Variants in SLC35D4 observed in about 807,000 individuals in gnomAD.
The protein encoded by SLC35D4 is solute carrier family 35 member D4, also known as UDP-N-acetylglucosamine transporter SLC35D4.
the SLC35D4 span, among the ~76,000 whole-genome samples, chr18:23,412,794 A>T: frequency 2.9e-4 from 44 of 152,316 alleles, no homozygotes; most frequent in South Asian, 2.7e-3. Context: ...CCGTTTATGT[A>T]TTGTCTGTTG....
chr18:23,250,138 A>G, the SLC35D4 span, among the ~76,000 whole-genome samples: 1 of 152,240 alleles, frequency 6.6e-6, no homozygotes, highest in Non-Finnish European at 1.5e-5. Context: ...CCCCTCCCAC[A>G]GGCACTTCAA....
the SLC35D4 span, among the ~76,000 whole-genome samples, chr18:23,341,301 C>CT: frequency 2.0e-4 from 30 of 152,160 alleles, no homozygotes; most frequent in African/African-American, 7.2e-4. Flanking sequence ...TTCAAAGGCA[C>CT]TTTTTCTCCA....
the SLC35D4 span, among the ~76,000 whole-genome samples, chr18:23,253,428 A>G: frequency 3.9e-5 from 6 of 152,372 alleles, no homozygotes; most frequent in South Asian, 1.2e-3. Flanking sequence ...GGTTGCAGTG[A>G]GCCAAGATCG....
the SLC35D4 span, among the ~76,000 whole-genome samples, chr18:23,264,987 T>C: frequency 6.6e-6 from 1 of 152,124 alleles, no homozygotes; most frequent in African/African-American, 2.4e-5. Flanking sequence ...TCACTCACTA[T>C]CGTGAGGACA....
chr18:23,310,355 T>C, the SLC35D4 span: 1 of 855,590 alleles, frequency 1.2e-6, no homozygotes, highest in Non-Finnish European at 1.4e-6. Flanking sequence ...TACCTCCACA[T>C]CTCTCAAGGC....
chr18:23,341,230 A>G, the SLC35D4 span, among the ~76,000 whole-genome samples: 2 of 152,222 alleles, frequency 1.3e-5, no homozygotes, highest in East Asian at 1.9e-4. Context: ...GGCTTCTTAA[A>G]TTTTTTCTCA....
At chr18:23,244,275 G>C in the SLC35D4 span, among the ~76,000 whole-genome samples, 1 of 152,218 alleles carries the variant, frequency 6.6e-6, no homozygotes, top group East Asian at 1.9e-4. Flanking sequence ...AACATGCTCT[G>C]TGCCACCCAG....
At chr18:23,346,218 C>G in the SLC35D4 span, among the ~76,000 whole-genome samples, 115 of 152,340 alleles carry the variant, frequency 7.5e-4, no homozygotes, top group South Asian at 4.1e-3. Flanking sequence ...ACTGCATCCT[C>G]AAACTCCTGA....
the SLC35D4 span, among the ~76,000 whole-genome samples, chr18:23,303,905 GAAA>G: frequency 1.8e-5 from 2 of 109,368 alleles, no homozygotes; most frequent in African/African-American, 3.4e-5. Flanking sequence ...CTATCTCCAG[GAAA>G]AAAAAAAAAA....
the SLC35D4 span, among the ~76,000 whole-genome samples, chr18:23,316,326 A>G: frequency 6.6e-6 from 1 of 152,250 alleles, no homozygotes; most frequent in Admixed American, 6.5e-5. Context: ...CTTCCAGGTT[A>G]AAGAGTAAAT....
chr18:23,409,866 AG>A, the SLC35D4 span, among the ~76,000 whole-genome samples: 2 of 1,234 alleles, frequency 1.6e-3, no homozygotes. Flanking sequence ...AAAAAAAAAG[AG>A]GATGGTTGTA....
At chr18:23,406,697 C>T in the SLC35D4 span, among the ~76,000 whole-genome samples, 1 of 152,246 alleles carries the variant, frequency 6.6e-6, no homozygotes, top group African/African-American at 2.4e-5. Context: ...CACAGCCAGG[C>T]TGCTACAGTA....
At chr18:23,248,510 G>GTTTTTTTTTTTT in the SLC35D4 span, among the ~76,000 whole-genome samples, 1 of 92,358 alleles carries the variant, frequency 1.1e-5, no homozygotes. Flanking sequence ...AAGACCCTAT[G>GTTTTTTTTTTTT]TCTTTTTTTT....
At chr18:23,319,236 T>C in the SLC35D4 span, among the ~76,000 whole-genome samples, 1 of 149,646 alleles carries the variant, frequency 6.7e-6, no homozygotes, top group African/African-American at 2.5e-5. Flanking sequence ...CCTTACTTTA[T>C]TTCAGTGCTT....
At chr18:23,349,105 C>T in the SLC35D4 span, among the ~76,000 whole-genome samples, 1 of 152,124 alleles carries the variant, frequency 6.6e-6, no homozygotes, top group Non-Finnish European at 1.5e-5. Context: ...AGATTTTCTC[C>T]TTGTCTTTCA....
At chr18:23,253,819 C>T in the SLC35D4 span, 23 of 1,614,224 alleles carry the variant, frequency 1.4e-5, no homozygotes, top group African/African-American at 2.0e-4. Context: ...TTGAAAAGCT[C>T]GCCCTCAAGG....
At chr18:23,356,104 A>G in the SLC35D4 span, among the ~76,000 whole-genome samples, 2 of 152,180 alleles carry the variant, frequency 1.3e-5, no homozygotes, top group African/African-American at 2.4e-5. This position sits in a 1 kb window ranked among gnomAD's most constrained non-coding sequence, Gnocchi z 4.1. Flanking sequence ...TTGTCTAGAC[A>G]TCTCCTAGCC....
the SLC35D4 span, among the ~76,000 whole-genome samples, chr18:23,424,746 C>A: frequency 6.6e-6 from 1 of 152,142 alleles, no homozygotes; most frequent in Non-Finnish European, 1.5e-5. Flanking sequence ...GTGGCTCACA[C>A]CTGTAATCCT....
chr18:23,359,332 C>T, the SLC35D4 span, among the ~76,000 whole-genome samples: 10 of 147,978 alleles, frequency 6.8e-5, no homozygotes, highest in East Asian at 8.0e-4. Context: ...TGCAGTAAGC[C>T]GAGATTGTCC....
Sources: gnomAD v4.1 joint callset for allele counts (sites outside exome capture counted in the v4.1 genomes callset) on GRCh38, gnomAD v4.1.1 for gene constraint, Gnocchi (gnomAD v3.1) non-coding constraint, MANE v1.5 for transcripts, NCBI Gene and HGNC (gene_info 2026-07-23, HGNC 2026-07-21) for gene names.